TSPAN15: variants seen among roughly 807,000 people sequenced by gnomAD.
The protein encoded by TSPAN15 is tetraspanin 15.
TSPAN15 carries 20 observed loss-of-function variants against 34.5 expected under a neutral mutation model. The observed-to-expected ratio is 0.58, with a 90% CI of 0.41 to 0.84. TSPAN15 has a LOEUF of 0.84. Among genes scored for constraint, TSPAN15 ranks in the 40% least tolerant of loss-of-function variants. The pLI is 0.00. For synonymous variants in TSPAN15, 155 were observed against 153.9 expected (o/e 1.01, Z -0.05); for missense variants, 313 against 386.1 (o/e 0.81, Z 1.59).
At chr10:69,496,493 A>C (rs1842088748) in intron 4 of TSPAN15, among the ~76,000 whole-genome samples, 2 of 152,142 alleles carry the variant, frequency 1.3e-5, no homozygotes, top group Non-Finnish European at 2.9e-5. Flanking sequence ...GGGCGTCGTC[A>C]TGAGGATTAC....
Position 69,507,253 on chromosome 10 carries a change from C to T in TSPAN15, c.*275C>T, listed in dbSNP as rs570667287. The T allele has an allele frequency of 1.5e-3, 1,982 of 1,366,594 alleles. 4 individuals carry two copies. The highest frequency in any genetic ancestry group is 1.9e-3 in the Admixed American group (58 of 30,352). The allele number at this position is 1,366,594 out of a possible 1,614,324, so 84.7% of individuals were successfully genotyped here. A position where few individuals can be genotyped will look rare whatever the true frequency, so the allele number is the denominator to read the frequency against. ...CCCTCCTTTCTCCAGGCCTGGGCTA[C>T]GGGGGAGGGAGAGCCTGAGGCTCTG... is the stretch of plus-strand genomic sequence containing the variant. On this transcript the variant is annotated 3_prime_UTR_variant, in exon 8 of 8. Coordinates refer to ENST00000373290, the MANE Select transcript of TSPAN15 (RefSeq NM_012339.5).
chr10:69,545,788 C>T, the TSPAN15 span, among the ~76,000 whole-genome samples: 19 of 152,170 alleles, frequency 1.2e-4, no homozygotes, highest in African/African-American at 4.1e-4. Context: ...AACCTCGTCT[C>T]TACTAAGAAT....
At chr10:69,514,810 CTT>C in the TSPAN15 span, among the ~76,000 whole-genome samples, 2 of 152,204 alleles carry the variant, frequency 1.3e-5, no homozygotes, top group Non-Finnish European at 2.9e-5. Flanking sequence ...TAAATAATCT[CTT>C]AGTATTCCCA....
At chr10:69,482,087 C>T (rs1202967228) in intron 1 of TSPAN15, among the ~76,000 whole-genome samples, 1 of 148,588 alleles carries the variant, frequency 6.7e-6, no homozygotes, top group Non-Finnish European at 1.5e-5. Flanking sequence ...AAAAAACCAA[C>T]CAGAAATAGT....
intron 1 of TSPAN15, among the ~76,000 whole-genome samples, chr10:69,460,016 GGAGATGAGATGAGAT>G (rs56801982): frequency 0.26 from 36,334 of 141,176 alleles, 4,783 homozygotes; most frequent in Middle Eastern, 0.36. Context: ...GGGTAGTTGG[GGAGATGAGATGAGAT>G]GAGATGAGAT....
chr10:69,544,862 T>C, the TSPAN15 span, among the ~76,000 whole-genome samples: 5 of 152,238 alleles, frequency 3.3e-5, no homozygotes, highest in East Asian at 7.8e-4. Context: ...GAAATTAGCA[T>C]TCGCTTCCTC....
At chr10:69,455,740 G>C (rs1420874068) in intron 1 of TSPAN15, among the ~76,000 whole-genome samples, 1 of 149,982 alleles carries the variant, frequency 6.7e-6, no homozygotes, top group Non-Finnish European at 1.5e-5. Context: ...AGTAATTCTA[G>C]GAGTGGGGTT....
chr10:69,471,190 G>A (rs996335027), intron 1 of TSPAN15, among the ~76,000 whole-genome samples: 19 of 152,294 alleles, frequency 1.2e-4, no homozygotes, highest in Admixed American at 3.3e-4. Flanking sequence ...TTCTTTCATT[G>A]CTCTCGTTGC....
At chr10:69,451,887 T>G (rs1840977812) in intron 1 of TSPAN15, among the ~76,000 whole-genome samples, 197 bp downstream of exon 1, 1 of 152,146 alleles carries the variant, frequency 6.6e-6, no homozygotes. Flanking sequence ...TTCGGGAGTG[T>G]GAGAGCCGGT....
rs1191195903 is a variant in TSPAN15, at chr10:69,493,059, G to T, written c.358-2535G>T. ...TCATTCCCCTGCCCCACCCTGGGTG[G>T]CAGACTGGCCCCACCCTGGTATCCT... On this transcript the variant is annotated intron_variant, in intron 3 of 7. Transcript: ENST00000373290. 5.3e-5 allele frequency among the ~76,000 whole-genome samples: 8 copies of T among 152,134 alleles called. No individual in the cohort carries two copies. In the East Asian group the frequency reaches 1.5e-3, roughly 29 times the overall value.
Position 69,484,082 on chromosome 10 carries a change from G to A in TSPAN15, c.282+206G>A, listed in dbSNP as rs748278. The A allele has an allele frequency of 3.0e-3, 1,554 of 509,714 alleles. 32 individuals carry two copies. The highest frequency in any genetic ancestry group is 0.027 in the Admixed American group (811 of 30,590). 31.6% of individuals were successfully genotyped at this position (509,714 alleles called of 1,614,324 possible). A position where few individuals can be genotyped will look rare whatever the true frequency, so the allele number is the denominator to read the frequency against. On this transcript the variant is annotated intron_variant, in intron 2 of 7. Transcript: ENST00000373290. ...GCATGTAAAAGCTGATTTGAATACT[G>A]TTCTTACTTAAACTCTGTGTTCATC...
the TSPAN15 span, among the ~76,000 whole-genome samples, chr10:69,546,898 C>G: frequency 6.6e-6 from 1 of 152,030 alleles, no homozygotes; most frequent in East Asian, 1.9e-4. Flanking sequence ...AATCCCAGCA[C>G]TTTGGGAGGC....
intron 1 of TSPAN15, among the ~76,000 whole-genome samples, chr10:69,459,343 T>C (rs1399349670): frequency 6.6e-6 from 1 of 152,200 alleles, no homozygotes; most frequent in Non-Finnish European, 1.5e-5. Flanking sequence ...AAGACAGGTT[T>C]AGTCCAGGCC....
At chr10:69,508,462 A>G (rs1421069196), downstream of TSPAN15, among the ~76,000 whole-genome samples, 1 of 124,102 alleles carries the variant, frequency 8.1e-6, no homozygotes. Flanking sequence ...AAAAAAAAAA[A>G]AAAAAAAAGA....
At chr10:69,507,927 T>TG (rs1176488169), downstream of TSPAN15, among the ~76,000 whole-genome samples, 7 of 149,986 alleles carry the variant, frequency 4.7e-5, no homozygotes, top group East Asian at 1.4e-3. Flanking sequence ...GTGGATGGGG[T>TG]GGGGGACCAG....
At chr10:69,499,532 TATTCATTCATTC>T (rs543895631) in intron 5 of TSPAN15, among the ~76,000 whole-genome samples, 10 of 152,242 alleles carry the variant, frequency 6.6e-5, no homozygotes, top group South Asian at 2.1e-4. Context: ...GCCAAACTTG[TATTCATTCATTC>T]ATTCATTCAT....
chr10:69,499,359 G>A (rs941588963), intron 5 of TSPAN15, among the ~76,000 whole-genome samples: 1 of 152,228 alleles, frequency 6.6e-6, no homozygotes, highest in Non-Finnish European at 1.5e-5. Flanking sequence ...GGCCGGGCCA[G>A]GAGGGAAGCT....
At chr10:69,524,090 T>G in the TSPAN15 span, among the ~76,000 whole-genome samples, 15 of 148,380 alleles carry the variant, frequency 1.0e-4, 2 homozygotes, top group African/African-American at 3.4e-4. Flanking sequence ...AAGTAGGAAA[T>G]AAAGGTTACA....
chr10:69,516,439 T>C, the TSPAN15 span, among the ~76,000 whole-genome samples: 1 of 152,216 alleles, frequency 6.6e-6, no homozygotes, highest in Non-Finnish European at 1.5e-5. Flanking sequence ...CTGGGCATCA[T>C]GTGGCCACCA....
Sources: allele counts gnomAD v4.1 joint callset (sites outside exome capture counted in the v4.1 genomes callset), GRCh38; gene constraint gnomAD v4.1.1; transcripts MANE v1.5; gene names NCBI Gene and HGNC (gene_info 2026-07-23, HGNC 2026-07-21).